Variants in PLA2G10 observed in about 807,000 individuals in gnomAD.
The protein encoded by PLA2G10 is phospholipase A2 group X, also known as group 10 secretory phospholipase A2.
PLA2G10 carries 9 observed loss-of-function variants against 7.9 expected under a neutral mutation model. The observed-to-expected ratio is 1.14, with a 90% CI of 0.68 to 1.98. PLA2G10 has a LOEUF of 1.98. PLA2G10 is among the 30% of genes most tolerant of loss of function. The probability of loss-of-function intolerance (pLI) is 0.00; values close to 1 mark genes in which losing one functional copy is unlikely to be tolerated. For synonymous variants in PLA2G10, 19 were observed against 27.5 expected (o/e 0.69, Z 0.97); for missense variants, 53 against 65.4 (o/e 0.81, Z 0.66).
At chr16:14,682,354 G>A (rs1035680233) in intron 3 of PLA2G10, among the ~76,000 whole-genome samples, 2 of 152,026 alleles carry the variant, frequency 1.3e-5, no homozygotes, top group African/African-American at 4.8e-5. Context: ...AGGCCGAGGC[G>A]GATGGATCAG....
In PLA2G10 at chr16:14,672,562, G is replaced by A. The variant is rs777450617; in HGVS notation, c.*45C>T. 55 of 1,596,380 alleles carry A rather than the reference G, an allele frequency of 3.4e-5. No individual in the cohort carries two copies. The highest frequency in any genetic ancestry group is 4.3e-5 in the Non-Finnish European group (50 of 1,166,506). ...GAATGCTGTTGTTCATTACTGAGAG[G>A]ACGCTTTATTTCCTTGTGCAAAAGA... On this transcript the variant is annotated 3_prime_UTR_variant, in exon 4 of 4. Coordinates refer to ENST00000438167, the MANE Select transcript of PLA2G10 (RefSeq NM_003561.3).
chr16:14,675,956 G>A (rs1960715911), intron 3 of PLA2G10, among the ~76,000 whole-genome samples: 1 of 150,034 alleles, frequency 6.7e-6, no homozygotes, highest in South Asian at 2.1e-4. Flanking sequence ...AAAAAAAGTG[G>A]GCACATGACA....
rs570074881 is a variant in PLA2G10, at chr16:14,677,991, G to A, written c.356-5242C>T. Among the ~76,000 whole-genome samples, 223 of 152,252 alleles carry A rather than the reference G, an allele frequency of 1.5e-3. 2 individuals carry two copies. The highest frequency in any genetic ancestry group is 2.0e-3 in the Non-Finnish European group (138 of 68,020). Reference sequence around the variant, plus strand: ...GAATAGATGGCGAGACAGATGAATGGATAAACATAATATGTGCGAAAATTA... The same window carrying A: ...GAATAGATGGCGAGACAGATGAATGAATAAACATAATATGTGCGAAAATTA... On this transcript the variant is annotated intron_variant, in intron 3 of 3. Coordinates refer to ENST00000438167, the MANE Select transcript of PLA2G10 (RefSeq NM_003561.3).
At chr16:14,685,493 T>C (rs1399633083) in intron 3 of PLA2G10, among the ~76,000 whole-genome samples, 1 of 151,752 alleles carries the variant, frequency 6.6e-6, no homozygotes, top group Non-Finnish European at 1.5e-5. Context: ...AATCCAGAGA[T>C]AGAAAACTGG....
chr16:14,674,431 C>G (rs1020739083), intron 3 of PLA2G10, among the ~76,000 whole-genome samples: 3 of 152,122 alleles, frequency 2.0e-5, no homozygotes, highest in Non-Finnish European at 4.4e-5. Flanking sequence ...AGGCTGGGCA[C>G]AGTGGCTCAC....
chr16:14,683,534 C>A (rs908014422), intron 3 of PLA2G10, among the ~76,000 whole-genome samples: 1 of 151,980 alleles, frequency 6.6e-6, no homozygotes, highest in Non-Finnish European at 1.5e-5. Flanking sequence ...CCACTCCTGG[C>A]GGTGATTTTC....
intron 3 of PLA2G10, among the ~76,000 whole-genome samples, chr16:14,673,394 T>A (rs1960644243): frequency 6.6e-6 from 1 of 151,642 alleles, no homozygotes; most frequent in Non-Finnish European, 1.5e-5. Context: ...TTTTTTGAGA[T>A]AAGGTCTGTC....
intron 3 of PLA2G10, among the ~76,000 whole-genome samples, chr16:14,673,253 C>T (rs1960641046): frequency 6.6e-6 from 1 of 151,940 alleles, no homozygotes; most frequent in South Asian, 2.1e-4. Context: ...GAACTCCTGA[C>T]CTCAGGTGAT....
intron 3 of PLA2G10, among the ~76,000 whole-genome samples, chr16:14,684,156 C>T (rs575395105): frequency 5.4e-5 from 8 of 149,468 alleles, no homozygotes; most frequent in African/African-American, 2.0e-4. Flanking sequence ...GTCAGGAGTT[C>T]GAGACAGCCT....
intron 3 of PLA2G10, among the ~76,000 whole-genome samples, chr16:14,686,791 G>C (rs1032609168): frequency 6.6e-6 from 1 of 151,998 alleles, no homozygotes; most frequent in African/African-American, 2.4e-5. Flanking sequence ...CACAGCACCC[G>C]GCCCAAAATG....
intron 3 of PLA2G10, among the ~76,000 whole-genome samples, chr16:14,687,214 A>G (rs1961104874): frequency 6.6e-6 from 1 of 151,940 alleles, no homozygotes; most frequent in African/African-American, 2.4e-5. Context: ...AATAAATACT[A>G]CAGTCCTTAT....
chr16:14,676,048 A>T (rs1960718221), intron 3 of PLA2G10, among the ~76,000 whole-genome samples: 1 of 152,160 alleles, frequency 6.6e-6, no homozygotes, highest in African/African-American at 2.4e-5. Context: ...GGGAACTGCA[A>T]ATTAAAACCA....
At chr16:14,673,778 C>T (rs1960653833) in intron 3 of PLA2G10, among the ~76,000 whole-genome samples, 1 of 152,130 alleles carries the variant, frequency 6.6e-6, no homozygotes, top group African/African-American at 2.4e-5. Context: ...TAGCCCACAT[C>T]ATACTGAATG....
chr16:14,681,093 G>A (rs1466244578), intron 3 of PLA2G10, among the ~76,000 whole-genome samples: 1 of 152,044 alleles, frequency 6.6e-6, no homozygotes, highest in Admixed American at 6.6e-5. Context: ...GAACCGGGGA[G>A]GTGGAGGTTG....
intron 3 of PLA2G10, among the ~76,000 whole-genome samples, chr16:14,675,578 C>T (rs1460423100): frequency 6.6e-6 from 1 of 152,056 alleles, no homozygotes; most frequent in Non-Finnish European, 1.5e-5. Flanking sequence ...ACATATCTGA[C>T]AAAGGACTAA....
At chr16:14,676,725 C>T (rs1346713473) in intron 3 of PLA2G10, among the ~76,000 whole-genome samples, 1 of 152,118 alleles carries the variant, frequency 6.6e-6, no homozygotes, top group Non-Finnish European at 1.5e-5. Flanking sequence ...CCATGGAATA[C>T]TACTTAGCCA....
In PLA2G10 at chr16:14,672,711, A is replaced by C. The variant is rs1960621516; in HGVS notation, c.394T>G (p.Cys132Gly). Reference sequence around the variant, plus strand: ...AAGCAGTTAGCAATCTCCTGGTCACACTTGCACAACAGTTCTTGGCATTTG... The same window carrying C: ...AAGCAGTTAGCAATCTCCTGGTCACCCTTGCACAACAGTTCTTGGCATTTG... ...ENKCQELLCKCDQEIANCLAQ... is the reference protein window; with the variant it reads ...ENKCQELLCKGDQEIANCLAQ... Residue 132 changes from cysteine (C) to glycine (G), a missense_variant, in exon 4 of 4, where the codon TGT becomes GGT. Coordinates refer to ENST00000438167, the MANE Select transcript of PLA2G10 (RefSeq NM_003561.3). 1 of 1,614,100 alleles carries C rather than the reference A, an allele frequency of 6.2e-7. No individual in the cohort carries two copies. The highest frequency in any genetic ancestry group is 8.5e-7 in the Non-Finnish European group (1 of 1,179,980).
intron 3 of PLA2G10, among the ~76,000 whole-genome samples, chr16:14,677,961 T>G (rs1305872746): frequency 6.6e-6 from 1 of 152,010 alleles, no homozygotes; most frequent in Non-Finnish European, 1.5e-5. Flanking sequence ...GAATGGATAA[T>G]GGATGAATAG....
At chr16:14,681,620 T>A (rs868396268) in intron 3 of PLA2G10, among the ~76,000 whole-genome samples, 25 of 152,104 alleles carry the variant, frequency 1.6e-4, no homozygotes, top group Admixed American at 2.6e-4. Flanking sequence ...AAATTTTTTT[T>A]AATATATTTA....
Sources: gnomAD v4.1 joint callset for allele counts (sites outside exome capture counted in the v4.1 genomes callset) on GRCh38, gnomAD v4.1.1 for gene constraint, MANE v1.5 for transcripts, NCBI Gene and HGNC (gene_info 2026-07-23, HGNC 2026-07-21) for gene names.